PCDHGA3: variants seen among roughly 807,000 people sequenced by gnomAD.
The protein encoded by PCDHGA3 is protocadherin gamma subfamily A, 3.
PCDHGA3 carries 40 observed loss-of-function variants against 58.5 expected under a neutral mutation model. That is an observed-to-expected ratio of 0.68 (90% CI 0.53 to 0.89). PCDHGA3 has a LOEUF of 0.89. PCDHGA3 is among the 40% of genes least tolerant of loss of function. PCDHGA3 has a pLI of 0.00. For synonymous variants in PCDHGA3, 530 were observed against 525.7 expected, an observed-to-expected ratio of 1.01 and a Z score of -0.11; for missense variants, 1,223 against 1,195.9, an observed-to-expected ratio of 1.02 and a Z score of -0.33.
chr5:141,377,400 G>A (rs1463331041), intron 1 of PCDHGA3: 1 of 152,108 alleles, frequency 6.6e-6, no homozygotes, highest in Non-Finnish European at 1.5e-5. Context: ...GAGACCAGGA[G>A]TTTGAGACCA....
chr5:141,375,403 A>G, intron 1 of PCDHGA3: 2 of 1,613,908 alleles, frequency 1.2e-6, no homozygotes, highest in Non-Finnish European at 1.7e-6. Flanking sequence ...TCATCTCTCT[A>G]AATGTGGCAG....
chr5:141,473,269 A>G (rs2099318337), intron 1 of PCDHGA3, among the ~76,000 whole-genome samples: 1 of 152,208 alleles, frequency 6.6e-6, no homozygotes. Flanking sequence ...AGTGTATGCT[A>G]TGATTATTTT....
chr5:141,399,081 G>A (rs1336220348), intron 1 of PCDHGA3: 2 of 1,613,758 alleles, frequency 1.2e-6, no homozygotes, highest in African/African-American at 1.3e-5. Context: ...TAGAAGGGAG[G>A]GATGGTGGTG....
intron 1 of PCDHGA3, among the ~76,000 whole-genome samples, chr5:141,462,839 T>C (rs1020663897): frequency 8.5e-5 from 13 of 152,228 alleles, no homozygotes; most frequent in Non-Finnish European, 1.5e-4. Context: ...GTAAATGTTA[T>C]ATTTTTGAGT....
intron 1 of PCDHGA3, chr5:141,419,661 A>G (rs1363084793): frequency 2.5e-6 from 4 of 1,612,714 alleles, no homozygotes; most frequent in East Asian, 2.2e-5. Flanking sequence ...TCGGGGCACA[A>G]TGCCTGGCTG....
intron 1 of PCDHGA3, among the ~76,000 whole-genome samples, chr5:141,475,504 T>C (rs1202550150): frequency 1.3e-5 from 2 of 152,254 alleles, no homozygotes; most frequent in Non-Finnish European, 2.9e-5. Flanking sequence ...AAATTATTAA[T>C]GTCTCCACGG....
Position 141,511,165 on chromosome 5 carries a change from A to G in PCDHGA3, c.2791A>G (p.Lys931Glu). 1 of 1,614,096 alleles carries G rather than the reference A, an allele frequency of 6.2e-7. No homozygotes were observed. Among genetic ancestry groups the G allele is most frequent in the East Asian group, 2.2e-5 (1 of 44,870 alleles). ...CAAGAAGAAGTCGGGCAAGAAGGAGAAGAAGTAACATGGAGGCCAGGCCAA... is the reference window on the plus strand; with the variant it reads ...CAAGAAGAAGTCGGGCAAGAAGGAGGAGAAGTAACATGGAGGCCAGGCCAA... ...GNKKKSGKKE[K>E]K Residue 931 changes from lysine (K) to glutamate (E), a missense_variant, in exon 4 of 4, where the codon AAG (lysine) becomes GAG (glutamate). Physicochemically the swap from Lys to Glu is moderately conservative, Grantham distance 56. Transcript: ENST00000253812.
chr5:141,497,829 C>T (rs754594104), intron 2 of PCDHGA3, among the ~76,000 whole-genome samples: 147 of 152,160 alleles, frequency 9.7e-4, no homozygotes, highest in Non-Finnish European at 1.8e-3. Flanking sequence ...TGTGATCGCC[C>T]CCGGCCACAA....
intron 1 of PCDHGA3, among the ~76,000 whole-genome samples, chr5:141,446,120 T>C (rs2098489182): frequency 6.6e-6 from 1 of 152,196 alleles, no homozygotes; most frequent in Admixed American, 6.5e-5. Flanking sequence ...AGGAAATGGG[T>C]TCAATAAGAC....
intron 1 of PCDHGA3, chr5:141,375,861 C>T (rs567912144): frequency 1.9e-6 from 3 of 1,613,986 alleles, no homozygotes; most frequent in Middle Eastern, 1.7e-4. Flanking sequence ...AAGGTGGTGG[C>T]GGTGGACAGA....
At chr5:141,352,860 C>T (rs1463633504) in intron 1 of PCDHGA3, among the ~76,000 whole-genome samples, 2 of 152,054 alleles carry the variant, frequency 1.3e-5, no homozygotes, top group African/African-American at 2.4e-5. Context: ...TGGTGGCACG[C>T]GCCTGTAGTC....
In PCDHGA3 at chr5:141,370,457, G is replaced by T. The variant is rs774974710; in HGVS notation, c.2424+24000G>T. 2.5e-6 allele frequency: 4 copies of T among 1,611,872 alleles called. No homozygotes were observed. In the South Asian group the frequency reaches 4.4e-5, roughly 18 times the overall value. ...AGAGGCGAATGCTATTTCTCTTCCT[G>T]CTCTCTTTGTTAGACCAGGCTCTCT... On this transcript the variant is annotated intron_variant, in intron 1 of 3. Transcript: ENST00000253812.
Position 141,345,811 on chromosome 5 carries a change from C to A in PCDHGA3, c.1778C>A (p.Ala593Glu), listed in dbSNP as rs1757645365. The A allele has an allele frequency of 6.2e-7, 1 of 1,613,738 alleles. No individual in the cohort carries two copies. The highest frequency in any genetic ancestry group is 1.3e-5 in the African/African-American group (1 of 74,906). Residue 593 changes from alanine (A) to glutamate (E), a missense_variant, in exon 1 of 4, where the codon GCG becomes GAG. This residue lies in a region of PCDHGA3 where 107 missense variants were observed against 159.8 expected (regional missense o/e 0.67). Transcript: ENST00000253812. Reference protein sequence around the residue: ...EPGYLVTKVVAVDRDSGQNAW... With the variant: ...EPGYLVTKVVEVDRDSGQNAW... Reference sequence around the variant, plus strand: ...GGCTACCTGGTGACCAAGGTGGTGGCGGTGGACAGAGACTCGGGCCAGAAC... The same window carrying A: ...GGCTACCTGGTGACCAAGGTGGTGGAGGTGGACAGAGACTCGGGCCAGAAC...
chr5:141,415,434 C>T, intron 1 of PCDHGA3: 2 of 1,614,192 alleles, frequency 1.2e-6, no homozygotes, highest in Non-Finnish European at 1.7e-6. Context: ...TTCGGGCTTT[C>T]CTGCAGACCT....
intron 1 of PCDHGA3, chr5:141,356,412 G>C (rs775827547): frequency 6.2e-7 from 1 of 1,600,348 alleles, no homozygotes; most frequent in Non-Finnish European, 8.5e-7. Context: ...ATTATCGGTT[G>C]TTGACACACA....
intron 2 of PCDHGA3, among the ~76,000 whole-genome samples, chr5:141,502,576 T>C (rs1226513508): frequency 6.6e-6 from 1 of 152,168 alleles, no homozygotes; most frequent in African/African-American, 2.4e-5. Flanking sequence ...ATTATAAAAA[T>C]ATATTTTTAT....
chr5:141,372,633 A>C, intron 1 of PCDHGA3: 1 of 1,613,996 alleles, frequency 6.2e-7, no homozygotes, highest in Middle Eastern at 1.6e-4. Flanking sequence ...CAGCGAAAGG[A>C]CTTTGCCTTA....
At chr5:141,408,702 T>C (rs769871063) in intron 1 of PCDHGA3, 6 of 1,613,208 alleles carry the variant, frequency 3.7e-6, no homozygotes, top group South Asian at 3.3e-5. Flanking sequence ...ATAAACTCAA[T>C]TAAAGATTAT....
chr5:141,389,771 C>T lies in PCDHGA3; in HGVS notation c.2424+43314C>T, dbSNP rs1239854891. 4 of 1,613,088 alleles carry T rather than the reference C, an allele frequency of 2.5e-6. No homozygotes were observed. The Admixed American group carries it at 5.0e-5, about 20-fold the overall frequency. ...CGGGCGAAGTGCGCACAGCGCGTGC[C>T]TTAGGCGACAGGGACGCCGTCCGCC... is the stretch of plus-strand genomic sequence containing the variant. On this transcript the variant is annotated intron_variant, in intron 1 of 3. Coordinates refer to ENST00000253812, the MANE Select transcript of PCDHGA3 (RefSeq NM_018916.4).
Sources: allele counts gnomAD v4.1 joint callset (sites outside exome capture counted in the v4.1 genomes callset), GRCh38; gene constraint gnomAD v4.1.1; regional missense constraint gnomAD v4.1.1; transcripts MANE v1.5; gene names NCBI Gene and HGNC (gene_info 2026-07-23, HGNC 2026-07-21).